The following TNR variants were observed in gnomAD, a reference collection of about 807,000 sequenced individuals.
TNR encodes the protein tenascin R.
In TNR, 45 loss-of-function variants were observed where a neutral mutation model predicts 150.4. The observed-to-expected ratio is 0.30, with a 90% CI of 0.24 to 0.38. The LOEUF is 0.38. TNR is among the 10% of genes least tolerant of loss of function. The pLI is 1.00. For synonymous variants in TNR, 687 were observed against 678.4 expected, an observed-to-expected ratio of 1.01 and a Z score of -0.20; for missense variants, 1,544 against 1,759.1, an observed-to-expected ratio of 0.88 and a Z score of 2.19.
intron 1 of TNR, among the ~76,000 whole-genome samples, chr1:175,684,110 T>C (rs1666119453): frequency 6.6e-6 from 1 of 152,214 alleles, no homozygotes; most frequent in South Asian, 2.1e-4. Context: ...GCTGGGTGTG[T>C]GCATCAGACT....
At chr1:175,501,507 AG>A (rs2102149762) in intron 2 of TNR, among the ~76,000 whole-genome samples, 1 of 152,336 alleles carries the variant, frequency 6.6e-6, no homozygotes, top group Non-Finnish European at 1.5e-5. Context: ...CAGCCTTGTG[AG>A]GCCTGGGCAG....
chr1:175,482,685 A>G (rs961604471), intron 2 of TNR, among the ~76,000 whole-genome samples: 10 of 152,218 alleles, frequency 6.6e-5, no homozygotes, highest in African/African-American at 1.9e-4. Context: ...GTATATTAAT[A>G]TGAATGAATT....
chr1:175,616,593 G>A (rs1157341148), intron 1 of TNR, among the ~76,000 whole-genome samples: 2 of 152,140 alleles, frequency 1.3e-5, no homozygotes, highest in African/African-American at 4.8e-5. Context: ...CAGAGCTGAG[G>A]GGATCACGGG....
chr1:175,481,452 C>T (rs776251749), intron 2 of TNR, among the ~76,000 whole-genome samples: 2 of 152,114 alleles, frequency 1.3e-5, no homozygotes, highest in Non-Finnish European at 2.9e-5. Context: ...ATCAGTAAGA[C>T]CCTCGTTGGA....
At position 175,531,299 on chromosome 1, in the gene TNR, T is replaced by C. The variant is rs541334131; in HGVS notation, c.-164-2930A>G. Among the ~76,000 whole-genome samples the C allele has an allele frequency of 6.6e-5, 10 of 152,328 alleles. No individual in the cohort carries two copies. The East Asian group carries it at 1.9e-3, about 29-fold the overall frequency. On this transcript the variant is annotated intron_variant, in intron 1 of 22. Coordinates refer to ENST00000367674, the MANE Select transcript of TNR (RefSeq NM_003285.3). ...ATATAAACACGCATTACCTCACTAG[T>C]AGATCCACTTAATTTGATGAACAAG...
chr1:175,384,310 CTT>C (rs1189502421), intron 8 of TNR, among the ~76,000 whole-genome samples: 2 of 152,152 alleles, frequency 1.3e-5, no homozygotes, highest in Non-Finnish European at 2.9e-5. Flanking sequence ...ACGTGAGCAT[CTT>C]TGGCTAAATG....
At chr1:175,380,161 T>C (rs1652603969) in intron 8 of TNR, among the ~76,000 whole-genome samples, 1 of 152,180 alleles carries the variant, frequency 6.6e-6, no homozygotes, top group Non-Finnish European at 1.5e-5. Flanking sequence ...TTCAAGGTTT[T>C]GAAGTGTAAG....
At chr1:175,653,337 C>T (rs561110958) in intron 1 of TNR, among the ~76,000 whole-genome samples, 4 of 152,226 alleles carry the variant, frequency 2.6e-5, no homozygotes, top group East Asian at 1.9e-4. Context: ...TGTTTAGGAG[C>T]GACATGGGCA....
At chr1:175,530,345 CCT>C (rs1387091827) in intron 1 of TNR, among the ~76,000 whole-genome samples, 2 of 152,186 alleles carry the variant, frequency 1.3e-5, no homozygotes, top group Non-Finnish European at 2.9e-5. Context: ...CACACACCCG[CCT>C]CTCTTTGGCT....
At position 175,590,866 on chromosome 1, in the gene TNR, T is replaced by C. The variant is rs372485198; in HGVS notation, c.-164-62497A>G. Among the ~76,000 whole-genome samples the C allele has an allele frequency of 3.3e-5, 5 of 152,376 alleles. No individual in the cohort carries two copies. In the East Asian group the frequency reaches 9.6e-4, roughly 29 times the overall value. On this transcript the variant is annotated intron_variant, in intron 1 of 22. Transcript: ENST00000367674. ...AATACCTTGTATGTGTGCAGTGTTC[T>C]GAGCGTCCCCACAAAGCATCAGTCA...
At chr1:175,442,117 T>C (rs1400409268) in intron 2 of TNR, among the ~76,000 whole-genome samples, 1 of 152,170 alleles carries the variant, frequency 6.6e-6, no homozygotes, top group African/African-American at 2.4e-5. Flanking sequence ...CAGGGGCTCT[T>C]GAGGAATACA....
At chr1:175,631,682 G>A (rs949551882) in intron 1 of TNR, among the ~76,000 whole-genome samples, 16 of 152,136 alleles carry the variant, frequency 1.1e-4, no homozygotes, top group Admixed American at 4.6e-4. Context: ...ATATATGCAT[G>A]TGTATGAGTG....
At chr1:175,560,320 AT>A (rs1661369655) in intron 1 of TNR, among the ~76,000 whole-genome samples, 1 of 152,248 alleles carries the variant, frequency 6.6e-6, no homozygotes, top group Non-Finnish European at 1.5e-5. Flanking sequence ...CCTTGATAAA[AT>A]AGAGGATACA....
At chr1:175,504,292 G>T (rs1012640647) in intron 2 of TNR, among the ~76,000 whole-genome samples, 1 of 152,052 alleles carries the variant, frequency 6.6e-6, no homozygotes, top group Non-Finnish European at 1.5e-5. Context: ...CATTATCTCT[G>T]TATCCCTTAC....
chr1:175,359,384 G>C (rs1651486574), intron 15 of TNR, among the ~76,000 whole-genome samples: 1 of 151,966 alleles, frequency 6.6e-6, no homozygotes. Flanking sequence ...TACCTCAAGT[G>C]ATCCGCCTGC....
intron 4 of TNR, among the ~76,000 whole-genome samples, chr1:175,397,222 T>C (rs1653477773): frequency 6.6e-6 from 1 of 152,210 alleles, no homozygotes; most frequent in South Asian, 2.1e-4. Context: ...ATGTGTACCT[T>C]TAAGATAATT....
At position 175,513,901 on chromosome 1, in the gene TNR, G is replaced by T. The variant is rs116054985; in HGVS notation, c.-64+14368C>A. 2.1e-3 allele frequency among the ~76,000 whole-genome samples: 316 copies of T among 152,334 alleles called. 1 individual carries two copies. Among genetic ancestry groups the T allele is most frequent in the African/African-American group, 7.2e-3 (301 of 41,556 alleles). Reference sequence around the variant, plus strand: ...ATGTAGATTCTGATTCTGAAGGTCTGGGATGGGTTTGGAGTATCTGCATTT... The same window carrying T: ...ATGTAGATTCTGATTCTGAAGGTCTTGGATGGGTTTGGAGTATCTGCATTT... On this transcript the variant is annotated intron_variant, in intron 2 of 22. Coordinates refer to ENST00000367674, the MANE Select transcript of TNR (RefSeq NM_003285.3).
At chr1:175,627,333 GT>G (rs1217261996) in intron 1 of TNR, among the ~76,000 whole-genome samples, 1 of 152,174 alleles carries the variant, frequency 6.6e-6, no homozygotes, top group Non-Finnish European at 1.5e-5. Flanking sequence ...TTAGATCAGA[GT>G]TTATAAAACT....
intron 2 of TNR, among the ~76,000 whole-genome samples, chr1:175,515,259 G>A (rs1316412219): frequency 6.6e-6 from 1 of 152,174 alleles, no homozygotes; most frequent in East Asian, 1.9e-4. Context: ...AATATAAGGT[G>A]AAACACTGTG....
Sources: gnomAD v4.1 joint callset for allele counts (sites outside exome capture counted in the v4.1 genomes callset) on GRCh38, gnomAD v4.1.1 for gene constraint, MANE v1.5 for transcripts, NCBI Gene and HGNC (gene_info 2026-07-23, HGNC 2026-07-21) for gene names.